The following ALK variants were observed in gnomAD, a reference collection of about 807,000 sequenced individuals.
The protein encoded by ALK is ALK tyrosine kinase receptor.
A neutral mutation model predicts 163.1 loss-of-function variants in ALK; 74 were observed. That is an observed-to-expected ratio of 0.45 (90% CI 0.38 to 0.55). ALK has a LOEUF of 0.55. ALK is among the 20% of genes least tolerant of loss of function. The pLI is 0.00. For synonymous variants in ALK, 960 were observed against 843.2 expected (o/e 1.14, Z -2.40); for missense variants, 2,063 against 2,105.3 (o/e 0.98, Z 0.39).
At chr2:29,794,805 AT>A (rs1664267225) in intron 1 of ALK, among the ~76,000 whole-genome samples, 1 of 152,146 alleles carries the variant, frequency 6.6e-6, no homozygotes, top group Non-Finnish European at 1.5e-5. Context: ...ATGATCACCA[AT>A]CACATATCAC....
intron 4 of ALK, among the ~76,000 whole-genome samples, chr2:29,479,474 C>T (rs1671609070): frequency 6.6e-6 from 1 of 152,194 alleles, no homozygotes; most frequent in African/African-American, 2.4e-5. Flanking sequence ...GTGTTTTGCT[C>T]TAGAAAGCTT....
intron 1 of ALK, among the ~76,000 whole-genome samples, chr2:29,869,940 C>G (rs1666534724): frequency 6.6e-6 from 1 of 152,018 alleles, no homozygotes; most frequent in Non-Finnish European, 1.5e-5. Flanking sequence ...TGGTAAATAT[C>G]CAACCTGATG....
At chr2:29,562,498 C>T (rs1674051985) in intron 3 of ALK, among the ~76,000 whole-genome samples, 2 of 152,182 alleles carry the variant, frequency 1.3e-5, no homozygotes, top group African/African-American at 4.8e-5. Context: ...TGCTCACCCT[C>T]CAGATGGTGT....
At chr2:29,900,737 C>T (rs890947279) in intron 1 of ALK, among the ~76,000 whole-genome samples, 7 of 152,200 alleles carry the variant, frequency 4.6e-5, no homozygotes, top group Non-Finnish European at 7.3e-5. Context: ...GGACTTGACG[C>T]TCTGCTGCTT....
intron 4 of ALK, among the ~76,000 whole-genome samples, chr2:29,434,390 G>A (rs1277417843): frequency 6.6e-6 from 1 of 152,150 alleles, no homozygotes. Context: ...CGCCTGCTTT[G>A]TCTCCTGGGA....
rs535925684 is a variant in ALK, at chr2:29,827,034, C to T, written c.667+92959G>A. 6.4e-4 allele frequency among the ~76,000 whole-genome samples: 97 copies of T among 152,330 alleles called. 1 individual carries two copies. Among genetic ancestry groups the T allele is most frequent in the African/African-American group, 2.2e-3 (92 of 41,576 alleles). ...CATATATGAACCCAAATCCAAGTGT[C>T]AGAGACTAACAGAGATATCGGTCTC... On this transcript the variant is annotated intron_variant, in intron 1 of 28. Coordinates refer to ENST00000389048, the MANE Select transcript of ALK (RefSeq NM_004304.5).
At chr2:29,917,514 A>T (rs1392073900) in intron 1 of ALK, among the ~76,000 whole-genome samples, 1 of 152,254 alleles carries the variant, frequency 6.6e-6, no homozygotes, top group African/African-American at 2.4e-5. Context: ...ATAATGATAC[A>T]TGTTGTCTGA....
intron 3 of ALK, among the ~76,000 whole-genome samples, chr2:29,688,031 GAT>G (rs1378206690): frequency 6.6e-6 from 1 of 152,216 alleles, no homozygotes; most frequent in Admixed American, 6.5e-5. Context: ...TTTCTATAAA[GAT>G]ATATCTCGAC....
intron 3 of ALK, among the ~76,000 whole-genome samples, chr2:29,589,464 A>C (rs747336537): frequency 6.6e-6 from 1 of 152,210 alleles, no homozygotes; most frequent in Non-Finnish European, 1.5e-5. Flanking sequence ...GAGTTTGTAC[A>C]GTGATGAAAT....
At chr2:29,296,797 G>T (rs1358838775) in intron 9 of ALK, 91 bp downstream of exon 9, 2 of 1,541,806 alleles carry the variant, frequency 1.3e-6, no homozygotes, top group East Asian at 4.5e-5. Flanking sequence ...GTGTGTCTTG[G>T]GTAAAAGGCA....
intron 1 of ALK, among the ~76,000 whole-genome samples, chr2:29,740,346 CAA>C (rs1373370196): frequency 4.6e-5 from 7 of 151,826 alleles, no homozygotes; most frequent in African/African-American, 1.7e-4. Flanking sequence ...GGAAGACAGA[CAA>C]AGAGGGAGAG....
intron 1 of ALK, among the ~76,000 whole-genome samples, chr2:29,797,000 CCACACA>C (rs34846199): frequency 1.2e-4 from 18 of 144,692 alleles, no homozygotes; most frequent in South Asian, 6.8e-4. Flanking sequence ...GCACGCACAC[CCACACA>C]CACACACACA....
chr2:29,425,181 A>G (rs1216898079), intron 4 of ALK, among the ~76,000 whole-genome samples: 1 of 152,196 alleles, frequency 6.6e-6, no homozygotes, highest in Non-Finnish European at 1.5e-5. Flanking sequence ...AATTAAGAGA[A>G]GCTACTAAAA....
intron 1 of ALK, chr2:29,899,833 A>T (rs2148430046): frequency 6.6e-6 from 1 of 152,626 alleles, no homozygotes; most frequent in East Asian, 1.9e-4. Context: ...CTCAAAAAAA[A>T]AAAAGAAAAA....
intron 9 of ALK, among the ~76,000 whole-genome samples, chr2:29,280,542 T>C (rs1338280280): frequency 1.3e-5 from 2 of 150,262 alleles, no homozygotes; most frequent in African/African-American, 4.9e-5. Flanking sequence ...ACTGTGGGAC[T>C]GAGGGGAGGT....
chr2:29,855,388 A>T (rs1666113500), intron 1 of ALK, among the ~76,000 whole-genome samples: 1 of 152,126 alleles, frequency 6.6e-6, no homozygotes, highest in African/African-American at 2.4e-5. Flanking sequence ...TCATCTCTTT[A>T]TGCAGTGCCA....
intron 3 of ALK, among the ~76,000 whole-genome samples, chr2:29,675,785 A>G (rs747493220): frequency 2.6e-4 from 39 of 152,038 alleles, no homozygotes; most frequent in Middle Eastern, 3.4e-3. Flanking sequence ...TGTGTAGCAA[A>G]CATTGTGCCA....
chr2:29,841,237 A>T (rs1025888731), intron 1 of ALK, among the ~76,000 whole-genome samples: 4 of 152,200 alleles, frequency 2.6e-5, no homozygotes, highest in Admixed American at 1.3e-4. Context: ...ATATTAAGCA[A>T]TTTTTTCCAA....
At chr2:29,916,167 C>T (rs926675756) in intron 1 of ALK, among the ~76,000 whole-genome samples, 1 of 152,174 alleles carries the variant, frequency 6.6e-6, no homozygotes, top group African/African-American at 2.4e-5. Flanking sequence ...TCACCTGACT[C>T]CCCACTCCAT....
Sources: gnomAD v4.1 joint callset for allele counts (sites outside exome capture counted in the v4.1 genomes callset) on GRCh38, gnomAD v4.1.1 for gene constraint, MANE v1.5 for transcripts, NCBI Gene and HGNC (gene_info 2026-07-23, HGNC 2026-07-21) for gene names.